TRIM9: variants seen among roughly 807,000 people sequenced by gnomAD.
The protein encoded by TRIM9 is tripartite motif containing 9, also known as E3 ubiquitin-protein ligase TRIM9.
Under a neutral mutation model 78.3 loss-of-function variants are expected in TRIM9, and 26 were observed. The observed-to-expected ratio is 0.33, with a 90% CI of 0.24 to 0.46. TRIM9 has a LOEUF of 0.46. Ranked by LOEUF, TRIM9 falls within the 20% of genes least tolerant of loss-of-function variation. TRIM9 has a pLI of 1.00. For synonymous variants in TRIM9, 398 were observed against 416.5 expected (o/e 0.96, Z 0.54); for missense variants, 787 against 1,036.4 (o/e 0.76, Z 3.30).
chr14:51,085,987 C>T (rs867767516), intron 1 of TRIM9, among the ~76,000 whole-genome samples: 15 of 152,126 alleles, frequency 9.9e-5, no homozygotes, highest in Admixed American at 5.2e-4. Flanking sequence ...GTGGAATATT[C>T]AACATACTTG....
rs1425108345 is a variant in TRIM9, at chr14:50,976,484, C to G, written c.*807G>C. Reference sequence around the variant, plus strand: ...GTTCACCACTGTGTCCCCACAGTGTCTAGAACATAATGTTCTAGTGTCTTG... The same window carrying G: ...GTTCACCACTGTGTCCCCACAGTGTGTAGAACATAATGTTCTAGTGTCTTG... On this transcript the variant is annotated 3_prime_UTR_variant, in exon 13 of 13. Transcript: ENST00000684578. 2.0e-5 allele frequency: 3 copies of G among 152,292 alleles called. No homozygotes were observed. The highest frequency in any genetic ancestry group is 2.0e-4 in the Admixed American group (3 of 15,280). The allele number at this position is 152,292 out of a possible 1,614,324, so 9.4% of individuals were successfully genotyped here.
At chr14:51,070,831 T>C (rs1347930948) in intron 1 of TRIM9, among the ~76,000 whole-genome samples, 10 of 152,194 alleles carry the variant, frequency 6.6e-5, no homozygotes. Flanking sequence ...GTGGACCAAA[T>C]ATGCACATCT....
chr14:50,987,064 G>A (rs543307789), intron 7 of TRIM9, among the ~76,000 whole-genome samples: 4 of 152,264 alleles, frequency 2.6e-5, no homozygotes, highest in South Asian at 2.1e-4. Flanking sequence ...TGGATCTTTC[G>A]CCAATTGAAG....
intron 3 of TRIM9, among the ~76,000 whole-genome samples, chr14:51,016,010 G>A (rs2057147176): frequency 1.3e-5 from 2 of 152,154 alleles, no homozygotes; most frequent in African/African-American, 4.8e-5. Flanking sequence ...TTAAGGTCCG[G>A]TACAGTTGTC....
At chr14:51,054,577 A>G (rs773533550) in intron 1 of TRIM9, among the ~76,000 whole-genome samples, 2 of 151,464 alleles carry the variant, frequency 1.3e-5, no homozygotes, top group Non-Finnish European at 2.9e-5. Flanking sequence ...CCGCCGGCCA[A>G]TGCTCTTTTT....
chr14:51,087,015 G>T (rs1359013199), intron 1 of TRIM9, among the ~76,000 whole-genome samples: 3 of 152,124 alleles, frequency 2.0e-5, no homozygotes, highest in African/African-American at 7.2e-5. Flanking sequence ...AACACAGCTG[G>T]GGTGGGGGGA....
chr14:51,044,033 C>T (rs140301644), intron 1 of TRIM9, among the ~76,000 whole-genome samples: 36 of 152,254 alleles, frequency 2.4e-4, no homozygotes, highest in African/African-American at 8.2e-4. Context: ...AATCAGGTTA[C>T]GTGTTCTGTC....
chr14:50,997,103 G>T, intron 7 of TRIM9: 1 of 984,214 alleles, frequency 1.0e-6, no homozygotes, highest in Non-Finnish European at 1.2e-6. Flanking sequence ...CCGGTGAGGT[G>T]GGGGGGTGAT....
intron 8 of TRIM9, 74 bp downstream of exon 8, chr14:50,985,882 G>C: frequency 7.6e-7 from 1 of 1,315,752 alleles, no homozygotes; most frequent in Non-Finnish European, 9.9e-7. Flanking sequence ...TGAATGGCAA[G>C]AACAAGACAC....
At chr14:51,080,632 T>G (rs1324875868) in intron 1 of TRIM9, among the ~76,000 whole-genome samples, 3 of 152,212 alleles carry the variant, frequency 2.0e-5, no homozygotes, top group African/African-American at 4.8e-5. Context: ...CAAATGATCT[T>G]CAAGATCCAG....
At position 51,072,016 on chromosome 14, in the gene TRIM9, G is replaced by A. The variant is rs1308556021; in HGVS notation, c.822+22102C>T. Among the ~76,000 whole-genome samples, 3 of 152,164 alleles carry A rather than the reference G, an allele frequency of 2.0e-5. No individual in the cohort carries two copies. The East Asian group carries it at 5.8e-4, about 29-fold the overall frequency. On this transcript the variant is annotated intron_variant, in intron 1 of 12. Transcript: ENST00000684578. ...GCAGCACAAGGGAAGTAGAAGGCAG[G>A]GAAAGGAAACTTTCCTTTCTTCCTT... is the stretch of plus-strand genomic sequence containing the variant.
intron 1 of TRIM9, among the ~76,000 whole-genome samples, chr14:51,031,101 T>C (rs1259525448): frequency 2.1e-5 from 3 of 144,612 alleles, no homozygotes. Context: ...TGAGCTGTGA[T>C]TGCGCCATTG....
chr14:51,030,176 G>C (rs1192836675), intron 1 of TRIM9, among the ~76,000 whole-genome samples: 1 of 152,266 alleles, frequency 6.6e-6, no homozygotes, highest in African/African-American at 2.4e-5. Flanking sequence ...ACTGGCCTAA[G>C]ATCTTGGGCA....
chr14:51,060,495 C>A (rs1038023580), intron 1 of TRIM9, among the ~76,000 whole-genome samples: 2 of 151,852 alleles, frequency 1.3e-5, no homozygotes, highest in Admixed American at 1.3e-4. Flanking sequence ...GAGACAGAAT[C>A]TTGCTCTGTC....
intron 1 of TRIM9, among the ~76,000 whole-genome samples, chr14:51,086,676 T>C: frequency 6.6e-6 from 1 of 152,152 alleles, no homozygotes; most frequent in Non-Finnish European, 1.5e-5. Context: ...TGCTCAGGGT[T>C]AGAATACAGA....
At chr14:51,010,293 C>T (rs2056413850) in intron 4 of TRIM9, 91 bp downstream of exon 4, 5 of 978,834 alleles carry the variant, frequency 5.1e-6, no homozygotes, top group Non-Finnish European at 8.0e-6. Context: ...GACACAGGCC[C>T]ACCCAGGGCT....
rs142199379 is a variant in TRIM9, at chr14:50,989,946, G to A, written c.1604-3802C>T. On this transcript the variant is annotated intron_variant, in intron 7 of 12. Transcript: ENST00000684578. ...ATCAACAAAGCAAAGATTGGCTGGG[G>A]ACCACTTGTATTATTGACTGAGAAT... Among the ~76,000 whole-genome samples, 5 of 152,262 alleles carry A rather than the reference G, an allele frequency of 3.3e-5. No homozygotes were observed. In the East Asian group the frequency reaches 9.6e-4, roughly 29 times the overall value.
intron 1 of TRIM9, among the ~76,000 whole-genome samples, chr14:51,056,867 G>A (rs2060934679): frequency 6.6e-6 from 1 of 152,022 alleles, no homozygotes; most frequent in Admixed American, 6.6e-5. Flanking sequence ...TCAAATCAAA[G>A]GTCACTGTTT....
chr14:51,071,736 G>A (rs1173339530), intron 1 of TRIM9, among the ~76,000 whole-genome samples: 1 of 152,174 alleles, frequency 6.6e-6, no homozygotes, highest in East Asian at 1.9e-4. Context: ...AGAGTGGGAG[G>A]TCAAGGCTGC....
Sources: gnomAD v4.1 joint callset for allele counts (sites outside exome capture counted in the v4.1 genomes callset) on GRCh38, gnomAD v4.1.1 for gene constraint, MANE v1.5 for transcripts, NCBI Gene and HGNC (gene_info 2026-07-23, HGNC 2026-07-21) for gene names.